SLC4A10: variants seen among roughly 807,000 people sequenced by gnomAD.
SLC4A10 encodes the protein sodium-driven chloride bicarbonate exchanger.
Under a neutral mutation model 137.7 loss-of-function variants are expected in SLC4A10, and 42 were observed. That is an observed-to-expected ratio of 0.30 (90% CI 0.24 to 0.39). The LOEUF is 0.39. Among genes scored for constraint, SLC4A10 ranks in the 10% least tolerant of loss-of-function variants. SLC4A10 has a pLI of 1.00. For synonymous variants in SLC4A10, 474 were observed against 464.1 expected (o/e 1.02, Z -0.27); for missense variants, 925 against 1,355.0 (o/e 0.68, Z 4.98).
chr2:161,951,436 C>T (rs2105825177), intron 19 of SLC4A10, among the ~76,000 whole-genome samples: 1 of 152,206 alleles, frequency 6.6e-6, no homozygotes, highest in Middle Eastern at 3.4e-3. Flanking sequence ...TGCCATTTTG[C>T]AATTGTGAAT....
At chr2:161,874,482 T>A (rs56078948) in intron 8 of SLC4A10, among the ~76,000 whole-genome samples, 9,246 of 152,338 alleles carry the variant, frequency 0.061, 372 homozygotes, top group East Asian at 0.13. Context: ...AAAATGAAGA[T>A]TGCCAGTTGT....
chr2:161,972,496 C>T (rs1698722697), intron 23 of SLC4A10, among the ~76,000 whole-genome samples: 1 of 152,080 alleles, frequency 6.6e-6, no homozygotes. Flanking sequence ...TCTCCATTCA[C>T]CTTGATTTAG....
intron 1 of SLC4A10, among the ~76,000 whole-genome samples, chr2:161,727,132 T>G (rs944683724): frequency 1.3e-5 from 2 of 152,184 alleles, no homozygotes; most frequent in African/African-American, 4.8e-5. Context: ...AAACACTATC[T>G]TAAGAACAGA....
chr2:161,730,538 C>T (rs2046715146), intron 1 of SLC4A10, among the ~76,000 whole-genome samples: 1 of 152,122 alleles, frequency 6.6e-6, no homozygotes, highest in South Asian at 2.1e-4. Context: ...GGTGGTCTCA[C>T]ATTCTAACAA....
intron 21 of SLC4A10, among the ~76,000 whole-genome samples, chr2:161,959,443 G>T (rs1028582404): frequency 1.3e-5 from 2 of 152,202 alleles, no homozygotes; most frequent in Non-Finnish European, 2.9e-5. Context: ...AGTGCTGGAG[G>T]ATCTGCTTGC....
At chr2:161,645,635 GC>G (rs1464756635) in intron 1 of SLC4A10, among the ~76,000 whole-genome samples, 2 of 152,006 alleles carry the variant, frequency 1.3e-5, no homozygotes, top group African/African-American at 2.4e-5. Context: ...GATAAAGCCT[GC>G]AGTAGGAAAC....
chr2:161,653,794 T>G (rs1480933072), intron 1 of SLC4A10, among the ~76,000 whole-genome samples: 2 of 152,220 alleles, frequency 1.3e-5, no homozygotes, highest in Admixed American at 1.3e-4. Flanking sequence ...CATCCATCAG[T>G]GGATATTTAG....
At chr2:161,919,007 A>G (rs1687649936) in intron 15 of SLC4A10, among the ~76,000 whole-genome samples, 1 of 152,134 alleles carries the variant, frequency 6.6e-6, no homozygotes, top group Non-Finnish European at 1.5e-5. Context: ...ATAGGTTTGG[A>G]AGCACTTGCT....
At chr2:161,689,118 C>A (rs1435662925) in intron 1 of SLC4A10, among the ~76,000 whole-genome samples, 3 of 151,834 alleles carry the variant, frequency 2.0e-5, no homozygotes, top group African/African-American at 7.3e-5. Flanking sequence ...ACAAATGAAT[C>A]AAAAAGTTAA....
At chr2:161,648,021 T>C (rs2036291856) in intron 1 of SLC4A10, among the ~76,000 whole-genome samples, 1 of 152,250 alleles carries the variant, frequency 6.6e-6, no homozygotes, top group African/African-American at 2.4e-5. Context: ...ACTATATCTA[T>C]GATCTCATTT....
intron 5 of SLC4A10, 102 bp from the exon 6 acceptor site, chr2:161,862,772 A>G (rs974285811): frequency 3.6e-6 from 3 of 841,576 alleles, no homozygotes; most frequent in Admixed American, 4.0e-5. Context: ...TTCAAGATGA[A>G]TAATATTGTT....
intron 1 of SLC4A10, among the ~76,000 whole-genome samples, chr2:161,655,642 C>T (rs1238878919): frequency 6.6e-6 from 1 of 151,678 alleles, no homozygotes; most frequent in African/African-American, 2.4e-5. Context: ...TAAGCTTTTC[C>T]AAAAAACAGA....
At chr2:161,804,394 A>T (rs1447737059) in intron 2 of SLC4A10, 55 bp from the exon 3 acceptor site, 2 of 1,570,198 alleles carry the variant, frequency 1.3e-6, no homozygotes, top group African/African-American at 2.7e-5. Context: ...AAATCATCAT[A>T]TCTGTGCCCT....
chr2:161,909,720 G>T (rs549928670), intron 15 of SLC4A10, among the ~76,000 whole-genome samples: 12 of 152,276 alleles, frequency 7.9e-5, no homozygotes, highest in African/African-American at 2.9e-4. Flanking sequence ...GCTATGCATA[G>T]AACGCATATA....
chr2:161,731,240 G>C (rs2046791121), intron 1 of SLC4A10, among the ~76,000 whole-genome samples: 1 of 151,970 alleles, frequency 6.6e-6, no homozygotes, highest in Non-Finnish European at 1.5e-5. Flanking sequence ...GACTTCATGG[G>C]TTCAGTGTAC....
intron 8 of SLC4A10, among the ~76,000 whole-genome samples, chr2:161,878,496 C>T (rs2061566951): frequency 6.6e-6 from 1 of 152,120 alleles, no homozygotes; most frequent in Non-Finnish European, 1.5e-5. Context: ...CATCTCATGT[C>T]AGAAATTCAA....
intron 23 of SLC4A10, among the ~76,000 whole-genome samples, chr2:161,969,817 C>T (rs762110525): frequency 8.5e-5 from 13 of 152,112 alleles, no homozygotes; most frequent in Non-Finnish European, 1.8e-4. Context: ...TTACAGAGGA[C>T]GACTTACTGC....
intron 1 of SLC4A10, chr2:161,708,798 C>T: frequency 1.3e-6 from 2 of 1,532,530 alleles, no homozygotes; most frequent in Non-Finnish European, 8.7e-7. Flanking sequence ...CAGTCTGGAA[C>T]CTGTGAGCCT....
intron 1 of SLC4A10, among the ~76,000 whole-genome samples, chr2:161,725,706 A>G (rs2046145687): frequency 6.6e-6 from 1 of 152,218 alleles, no homozygotes; most frequent in African/African-American, 2.4e-5. Context: ...CAAATTTTAA[A>G]AAGTGGGGAT....
Sources: allele counts gnomAD v4.1 joint callset (sites outside exome capture counted in the v4.1 genomes callset), GRCh38; gene constraint gnomAD v4.1.1; transcripts MANE v1.5; gene names NCBI Gene and HGNC (gene_info 2026-07-23, HGNC 2026-07-21).